The following THRAP3 variants were observed in gnomAD, a reference collection of about 807,000 sequenced individuals.
THRAP3 encodes the protein thyroid hormone receptor-associated protein 3.
Under a neutral mutation model 101.0 loss-of-function variants are expected in THRAP3, and 16 were observed. That is an observed-to-expected ratio of 0.16 (90% CI 0.11 to 0.24). THRAP3 has a LOEUF of 0.24. THRAP3 is among the 10% of genes least tolerant of loss of function. The probability of loss-of-function intolerance (pLI) is 1.00; values close to 1 mark genes in which losing one functional copy is unlikely to be tolerated. For missense variants in THRAP3, 989 were observed against 1,202.7 expected (o/e 0.82, Z 2.63); for synonymous variants, 407 against 422.6 (o/e 0.96, Z 0.45).
chr1:36,270,790 C>T (rs1230698461), intron 2 of THRAP3, among the ~76,000 whole-genome samples: 5 of 151,844 alleles, frequency 3.3e-5, no homozygotes, highest in East Asian at 3.9e-4. Context: ...TTGGTCAGGC[C>T]GGTCTCCGAC....
chr1:36,257,897 A>T (rs764464251), intron 1 of THRAP3, among the ~76,000 whole-genome samples: 1 of 152,046 alleles, frequency 6.6e-6, no homozygotes, highest in Non-Finnish European at 1.5e-5. Context: ...CTGGAGTGCA[A>T]TGGCACGATC....
rs941382435 is a variant in THRAP3, at chr1:36,232,938, G to A, written c.-135+8433G>A. On this transcript the variant is annotated intron_variant, in intron 1 of 11. Transcript: ENST00000354618. ...TGCCCAGGCTGGAGTGCTGTGGCGC[G>A]GTCTCGGCTCACTGCAACCTCCCAG... Among the ~76,000 whole-genome samples the A allele has an allele frequency of 9.5e-5, 4 of 41,888 alleles. No homozygotes were observed. The East Asian group carries it at 4.1e-3, about 43-fold the overall frequency. The allele number at this position is 41,888 out of a possible 152,430, so 27.5% of individuals were successfully genotyped here. A position where few individuals can be genotyped will look rare whatever the true frequency, so the allele number is the denominator to read the frequency against.
At chr1:36,238,178 G>C (rs1288528792) in intron 1 of THRAP3, among the ~76,000 whole-genome samples, 1 of 152,022 alleles carries the variant, frequency 6.6e-6, no homozygotes. Context: ...TTGTTGCCCA[G>C]GGTAGTCTTA....
At chr1:36,272,757 T>C (rs191229286) in intron 2 of THRAP3, among the ~76,000 whole-genome samples, 70 of 152,344 alleles carry the variant, frequency 4.6e-4, no homozygotes, top group African/African-American at 1.6e-3. Flanking sequence ...ATGGCTCTCC[T>C]GACTGGATGT....
chr1:36,273,486 C>T (rs1472226676), intron 2 of THRAP3, among the ~76,000 whole-genome samples: 1 of 152,204 alleles, frequency 6.6e-6, no homozygotes, highest in African/African-American at 2.4e-5. Flanking sequence ...AGGTGCAAGA[C>T]TGAATGCTTT....
In THRAP3 at chr1:36,263,755, C is replaced by T. The variant is rs186460685; in HGVS notation, c.-32+4271C>T. On this transcript the variant is annotated intron_variant, in intron 2 of 11. Transcript: ENST00000354618. ...TAGATGATCCTGAGCTTAATAGACA[C>T]GCATTGACTGAATTCTCAGAGGAGT... Among the ~76,000 whole-genome samples the T allele has an allele frequency of 1.8e-3, 273 of 152,244 alleles. 2 individuals are homozygous for T. Among genetic ancestry groups the T allele is most frequent in the Middle Eastern group, 6.8e-3 (2 of 294 alleles).
intron 1 of THRAP3, among the ~76,000 whole-genome samples, chr1:36,237,568 C>G (rs959190151): frequency 1.3e-5 from 2 of 151,160 alleles, no homozygotes; most frequent in African/African-American, 4.9e-5. Context: ...GTCAGGAGTT[C>G]AAGATCAGCC....
chr1:36,269,372 CCT>C (rs1645559177), intron 2 of THRAP3, among the ~76,000 whole-genome samples: 1 of 151,976 alleles, frequency 6.6e-6, no homozygotes, highest in Non-Finnish European at 1.5e-5. Flanking sequence ...TATTTTCTCC[CCT>C]CTCGTGATAC....
chr1:36,229,596 TTACAG>T (rs1285000202), intron 1 of THRAP3, among the ~76,000 whole-genome samples: 3 of 152,136 alleles, frequency 2.0e-5, no homozygotes, highest in Non-Finnish European at 4.4e-5. Flanking sequence ...TGAATTTTGT[TTACAG>T]TACATATTTT....
Position 36,286,650 on chromosome 1 carries a change from G to A in THRAP3, c.420G>A (p.Arg140=), listed in dbSNP as rs755343590. The A allele has an allele frequency of 6.2e-7, 1 of 1,614,132 alleles. No individual in the cohort carries two copies. The highest frequency in any genetic ancestry group is 8.5e-7 in the Non-Finnish European group (1 of 1,180,022). ...PKRRSPSPRS[R]SHSRNSDKSS... is the part of the protein sequence containing the mutation. ...GAAGGTCCCCTTCACCAAGGTCCAG[G>A]AGCCATTCTAGAAACTCTGATAAGT... The change falls in exon 4 of 12, where the codon AGG becomes AGA. Residue 140 remains arginine (R), a synonymous_variant. Coordinates refer to ENST00000354618, the MANE Select transcript of THRAP3 (RefSeq NM_005119.4). This position sits in a 1 kb window ranked among gnomAD's most constrained non-coding sequence, Gnocchi z 5.5.
intron 1 of THRAP3, among the ~76,000 whole-genome samples, chr1:36,246,717 T>C (rs1043353354): frequency 3.3e-5 from 5 of 151,836 alleles, no homozygotes; most frequent in Non-Finnish European, 5.9e-5. Flanking sequence ...TGGCCGGCAC[T>C]TGTAGTCCCA....
At chr1:36,227,761 G>A (rs1644978465) in intron 1 of THRAP3, among the ~76,000 whole-genome samples, 1 of 152,210 alleles carries the variant, frequency 6.6e-6, no homozygotes, top group South Asian at 2.1e-4. Flanking sequence ...TGGAGGGTAA[G>A]TAGGTTTAAT....
intron 1 of THRAP3, among the ~76,000 whole-genome samples, chr1:36,239,992 C>T (rs561507296): frequency 6.6e-6 from 1 of 152,096 alleles, no homozygotes; most frequent in Non-Finnish European, 1.5e-5. Context: ...GTTGACTTCA[C>T]GTAAAGGCAT....
At position 36,267,828 on chromosome 1, in the gene THRAP3, G is replaced by A; in HGVS notation, c.-32+8344G>A. 4.2e-5 allele frequency among the ~76,000 whole-genome samples: 2 copies of A among 48,144 alleles called. 1 individual carries two copies. The highest frequency in any genetic ancestry group is 1.3e-4 in the Non-Finnish European group (2 of 15,042). The allele number at this position is 48,144 out of a possible 152,430, so 31.6% of individuals were successfully genotyped here. ...CGGAGACTGAGTTCTGTTAGAAAAG[G>A]TCTGTTTTACAACTGGGAATCCAAA... On this transcript the variant is annotated intron_variant, in intron 2 of 11. Coordinates refer to ENST00000354618, the MANE Select transcript of THRAP3 (RefSeq NM_005119.4).
intron 2 of THRAP3, among the ~76,000 whole-genome samples, chr1:36,266,069 G>T (rs1645510681): frequency 6.6e-6 from 1 of 151,406 alleles, no homozygotes; most frequent in African/African-American, 2.4e-5. Context: ...TAGGGGAATT[G>T]CTTGAACCTG....
the THRAP3 span, among the ~76,000 whole-genome samples, chr1:36,214,401 T>C: frequency 6.6e-6 from 1 of 152,316 alleles, no homozygotes; most frequent in East Asian, 1.9e-4. Flanking sequence ...TCCTCTGTTT[T>C]TTGAATCTTC....
intron 1 of THRAP3, among the ~76,000 whole-genome samples, chr1:36,226,419 C>T (rs1000701950): frequency 6.6e-6 from 1 of 152,190 alleles, no homozygotes; most frequent in Non-Finnish European, 1.5e-5. Context: ...GTCACCACGC[C>T]TGGCTCATTT....
At chr1:36,245,423 CCTCCCAGAGTG>C (rs1645219502) in intron 1 of THRAP3, among the ~76,000 whole-genome samples, 1 of 152,156 alleles carries the variant, frequency 6.6e-6, no homozygotes, top group Admixed American at 6.6e-5. Flanking sequence ...CCCACCTCAG[CCTCCCAGAGTG>C]CTGGGATTTT....
intron 1 of THRAP3, among the ~76,000 whole-genome samples, chr1:36,235,571 A>G (rs995448680): frequency 2.6e-5 from 4 of 152,028 alleles, no homozygotes; most frequent in African/African-American, 7.2e-5. Context: ...TTGAGATACC[A>G]TTTTCTTCCT....
Sources: allele counts gnomAD v4.1 joint callset (sites outside exome capture counted in the v4.1 genomes callset), GRCh38; gene constraint gnomAD v4.1.1; non-coding constraint Gnocchi (gnomAD v3.1); transcripts MANE v1.5; gene names NCBI Gene and HGNC (gene_info 2026-07-23, HGNC 2026-07-21).